The following ARHGAP42 variants were observed in gnomAD, a reference collection of about 807,000 sequenced individuals.
ARHGAP42 encodes the protein rho GTPase-activating protein 42.
Under a neutral mutation model 125.0 loss-of-function variants are expected in ARHGAP42, and 63 were observed. The observed-to-expected ratio is 0.50, with a 90% confidence interval of 0.41 to 0.62. The LOEUF (loss-of-function observed/expected upper bound fraction) is 0.62, where lower values mean the gene tolerates loss of function less well. ARHGAP42 is among the 20% of genes least tolerant of loss of function. The pLI is 0.00. For synonymous variants in ARHGAP42, 339 were observed against 351.0 expected, an observed-to-expected ratio of 0.97 and a Z score of 0.38; for missense variants, 766 against 1,024.2, an observed-to-expected ratio of 0.75 and a Z score of 3.44.
intron 8 of ARHGAP42, among the ~76,000 whole-genome samples, chr11:100,937,869 C>G (rs917029292): frequency 1.3e-5 from 2 of 152,144 alleles, no homozygotes; most frequent in Non-Finnish European, 2.9e-5. Flanking sequence ...TATTGTCAAG[C>G]TGTTGGACAT....
chr11:100,973,900 A>G (rs1357012259), intron 18 of ARHGAP42, among the ~76,000 whole-genome samples: 1 of 152,214 alleles, frequency 6.6e-6, no homozygotes, highest in Admixed American at 6.5e-5. Flanking sequence ...AGAATGATTA[A>G]GGCCTTCTCC....
chr11:100,987,532 T>C lies in ARHGAP42; in HGVS notation c.2476T>C (p.Ser826Pro), dbSNP rs1464819035. 6.4e-7 allele frequency: 1 copy of C among 1,551,788 alleles called. No homozygotes were observed. The highest frequency in any genetic ancestry group is 1.4e-5 in the African/African-American group (1 of 73,036). Residue 826 changes from serine to proline, a missense_variant, in exon 23 of 24, where the codon TCC (serine) becomes CCC (proline). Transcript: ENST00000298815. ...TTTCAGCCAAGCCAAAGCCATGTAC[T>C]CCTGTAAAGCAGAGCACAGTCATGA... ...SSGRQAKAMY[S>P]CKAEHSHELS... is the part of the protein sequence containing the mutation.
At chr11:100,949,885 G>A in intron 11 of ARHGAP42, 32 bp from the exon 12 acceptor site, 1 of 1,397,218 alleles carries the variant, frequency 7.2e-7, no homozygotes, top group Non-Finnish European at 9.7e-7. Context: ...TCATTAACTG[G>A]AAGTAACTAA....
At chr11:100,875,107 CTGTGTGTGTGTGTGTGTG>C (rs67247250) in intron 4 of ARHGAP42, among the ~76,000 whole-genome samples, 7 of 82,352 alleles carry the variant, frequency 8.5e-5, no homozygotes, top group East Asian at 6.6e-4. Flanking sequence ...CTCTCTCTCT[CTGTGTGTGTGTGTGTGTG>C]TGTGTGTGTG....
intron 3 of ARHGAP42, among the ~76,000 whole-genome samples, chr11:100,854,777 TCTTTCTAAGAAGC>T (rs1277026674): frequency 5.3e-5 from 8 of 152,124 alleles, no homozygotes; most frequent in African/African-American, 1.7e-4. Flanking sequence ...TGCCAGAACT[TCTTTCTAAGAAGC>T]TATTGAGGAA....
At chr11:100,837,951 A>ATTTTATTTTATTTTATT (rs55861116) in intron 3 of ARHGAP42, among the ~76,000 whole-genome samples, 15 of 150,542 alleles carry the variant, frequency 1.0e-4, no homozygotes, top group Non-Finnish European at 7.4e-5. Flanking sequence ...ATTTTATTTT[A>ATTTTATTTTATTTTATT]CTAGGAGACA....
intron 1 of ARHGAP42, among the ~76,000 whole-genome samples, chr11:100,730,670 A>T (rs1861940588): frequency 6.6e-6 from 1 of 152,252 alleles, no homozygotes; most frequent in Non-Finnish European, 1.5e-5. Flanking sequence ...GGGTTGCTTA[A>T]ATAGTAAGTC....
At chr11:100,822,190 A>G (rs762381224) in intron 3 of ARHGAP42, among the ~76,000 whole-genome samples, 1 of 152,212 alleles carries the variant, frequency 6.6e-6, no homozygotes, top group African/African-American at 2.4e-5. Flanking sequence ...TTTTCGTTCC[A>G]GAATAAAATT....
chr11:100,714,316 A>C (rs1278419970), intron 1 of ARHGAP42, among the ~76,000 whole-genome samples: 1 of 152,180 alleles, frequency 6.6e-6, no homozygotes, highest in East Asian at 1.9e-4. Flanking sequence ...ATTCTACTAA[A>C]CTTTATAAAA....
chr11:100,746,857 C>A (rs1281738829), intron 1 of ARHGAP42, among the ~76,000 whole-genome samples: 1 of 152,188 alleles, frequency 6.6e-6, no homozygotes, highest in Non-Finnish European at 1.5e-5. Flanking sequence ...GTAGACTAAG[C>A]TTTCCTTAGC....
chr11:100,791,758 A>G (rs1223078178), intron 2 of ARHGAP42, among the ~76,000 whole-genome samples: 1 of 151,834 alleles, frequency 6.6e-6, no homozygotes, highest in Non-Finnish European at 1.5e-5. Context: ...GAGGGAGAGG[A>G]GTTTTTGTTG....
At chr11:100,827,560 C>T (rs1256787864) in intron 3 of ARHGAP42, among the ~76,000 whole-genome samples, 1 of 152,122 alleles carries the variant, frequency 6.6e-6, no homozygotes, top group Non-Finnish European at 1.5e-5. Flanking sequence ...TCATTTTCTA[C>T]AAGGGTAATG....
chr11:100,923,641 C>T (rs1466357628), intron 6 of ARHGAP42, among the ~76,000 whole-genome samples: 1 of 152,076 alleles, frequency 6.6e-6, no homozygotes, highest in Non-Finnish European at 1.5e-5. Flanking sequence ...TAGAAGCCAC[C>T]TTTCAATTGA....
intron 4 of ARHGAP42, among the ~76,000 whole-genome samples, chr11:100,860,241 G>T (rs189260108): frequency 1.8e-3 from 267 of 152,078 alleles, no homozygotes; most frequent in African/African-American, 6.1e-3. Flanking sequence ...TTCTTACCCT[G>T]TTTGAGTTTT....
At chr11:100,876,876 T>C (rs7128526) in intron 4 of ARHGAP42, among the ~76,000 whole-genome samples, 1 of 152,184 alleles carries the variant, frequency 6.6e-6, no homozygotes, top group Non-Finnish European at 1.5e-5. Context: ...AGTAATAATC[T>C]GAAGCCAAAT....
intron 4 of ARHGAP42, among the ~76,000 whole-genome samples, chr11:100,903,686 G>GTA (rs1254377147): frequency 1.1e-5 from 1 of 91,662 alleles, no homozygotes; most frequent in Non-Finnish European, 2.1e-5. Flanking sequence ...GGGACAGAAT[G>GTA]TATATATATA....
intron 12 of ARHGAP42, among the ~76,000 whole-genome samples, chr11:100,958,649 C>CAT (rs5794086): frequency 0.6 from 90,375 of 151,374 alleles, 27,890 homozygotes; most frequent in African/African-American, 0.71. Context: ...CAGTAGTTTG[C>CAT]ATATATATTT....
At chr11:100,936,436 T>C (rs1867740813) in intron 8 of ARHGAP42, 104 bp downstream of exon 8, 8 of 1,408,926 alleles carry the variant, frequency 5.7e-6, no homozygotes, top group Non-Finnish European at 7.6e-6. Flanking sequence ...CTGAAATTTC[T>C]TATAGCTTTA....
At chr11:100,944,189 AG>A (rs1303683397) in intron 10 of ARHGAP42, among the ~76,000 whole-genome samples, 1 of 152,026 alleles carries the variant, frequency 6.6e-6, no homozygotes, top group Non-Finnish European at 1.5e-5. Context: ...TCATGGCTCC[AG>A]GATCAGCCTT....
Sources: allele counts gnomAD v4.1 joint callset (sites outside exome capture counted in the v4.1 genomes callset), GRCh38; gene constraint gnomAD v4.1.1; transcripts MANE v1.5; gene names NCBI Gene and HGNC (gene_info 2026-07-23, HGNC 2026-07-21).